The following BLTP1 variants were observed in gnomAD, a reference collection of about 807,000 sequenced individuals.
BLTP1 encodes bridge-like lipid transfer protein family member 1, also known as fragile site-associated protein.
At chr4:122,170,479 C>T in the BLTP1 span, 2 of 1,285,740 alleles carry the variant, frequency 1.6e-6, no homozygotes, top group African/African-American at 1.6e-5. Flanking sequence ...TGTATTTTTG[C>T]ATTCTCATCA....
At chr4:122,355,980 T>C in the BLTP1 span, 52 of 1,604,612 alleles carry the variant, frequency 3.2e-5, no homozygotes, top group South Asian at 5.6e-4. Flanking sequence ...CACAGGAGCC[T>C]TCATTACAGG....
At chr4:122,181,349 A>C in the BLTP1 span, 5 of 338,478 alleles carry the variant, frequency 1.5e-5, no homozygotes, top group African/African-American at 9.0e-5. Context: ...GCAATTCAAA[A>C]ACTTAGTAAT....
chr4:122,309,174 T>C, the BLTP1 span: 1 of 1,482,810 alleles, frequency 6.7e-7, no homozygotes, highest in Non-Finnish European at 9.0e-7. Flanking sequence ...CTTGACCGTT[T>C]CTAGATTTCT....
At chr4:122,207,556 G>A in the BLTP1 span, 8 of 1,548,870 alleles carry the variant, frequency 5.2e-6, no homozygotes, top group African/African-American at 1.4e-5. Context: ...CTGGCAGCCT[G>A]TGGAGAAACA....
chr4:122,152,419 C>T, the BLTP1 span: 2 of 985,342 alleles, frequency 2.0e-6, no homozygotes, highest in African/African-American at 1.7e-5. Context: ...TGGACCTGGG[C>T]GGCGGCCCCG....
At chr4:122,298,492 T>C in the BLTP1 span, 1 of 200,896 alleles carries the variant, frequency 5.0e-6, no homozygotes, top group Non-Finnish European at 8.9e-6. Flanking sequence ...ATTCTGTATT[T>C]CAGAGTAGAA....
the BLTP1 span, chr4:122,350,420 A>C: frequency 1.0e-6 from 1 of 982,410 alleles, no homozygotes; most frequent in African/African-American, 1.7e-5. Flanking sequence ...GCAGGTCATT[A>C]TTTTCACTTA....
the BLTP1 span, chr4:122,281,866 A>G: frequency 1.5e-6 from 2 of 1,341,976 alleles, no homozygotes; most frequent in South Asian, 1.9e-5. Flanking sequence ...TTGGTTTTAT[A>G]GATATTATAA....
chr4:122,197,061 T>G, the BLTP1 span: 14 of 588,840 alleles, frequency 2.4e-5, no homozygotes, highest in African/African-American at 3.9e-5. Flanking sequence ...TGGTAAAAAT[T>G]TGAACTTTTG....
At chr4:122,184,639 C>CA in the BLTP1 span, 7,638 of 910,212 alleles carry the variant, frequency 8.4e-3, 304 homozygotes, top group African/African-American at 0.11. Flanking sequence ...GACTCCGTCT[C>CA]AAAAAAAAAC....
chr4:122,156,722 T>C, the BLTP1 span, among the ~76,000 whole-genome samples: 2 of 152,336 alleles, frequency 1.3e-5, no homozygotes, highest in East Asian at 3.9e-4. Flanking sequence ...TATAAGCACA[T>C]GTTTATTTGC....
the BLTP1 span, among the ~76,000 whole-genome samples, chr4:122,317,794 T>G: frequency 6.6e-6 from 1 of 152,158 alleles, no homozygotes; most frequent in African/African-American, 2.4e-5. Context: ...GGGGAAAAAA[T>G]GACTTGAAGC....
the BLTP1 span, among the ~76,000 whole-genome samples, chr4:122,216,085 G>GTCTA: frequency 0.058 from 8,340 of 144,258 alleles, 276 homozygotes; most frequent in East Asian, 0.079. Flanking sequence ...ATCTTTGTCT[G>GTCTA]TCTATCTATC....
At chr4:122,222,994 A>C in the BLTP1 span, 1 of 951,092 alleles carries the variant, frequency 1.1e-6, no homozygotes, top group African/African-American at 1.8e-5. Context: ...ATTTCATAAA[A>C]ATTTTATACT....
the BLTP1 span, chr4:122,325,885 C>T: frequency 8.5e-7 from 1 of 1,182,574 alleles, no homozygotes; most frequent in Middle Eastern, 2.3e-4. Context: ...AAGTACACCA[C>T]AATCCAGCTG....
chr4:122,332,042 AT>A, the BLTP1 span, among the ~76,000 whole-genome samples: 13 of 151,964 alleles, frequency 8.6e-5, no homozygotes, highest in East Asian at 2.3e-3. Flanking sequence ...CAGGATTAAC[AT>A]TTTTTTCTTT....
chr4:122,207,023 T>G, the BLTP1 span: 2 of 1,263,494 alleles, frequency 1.6e-6, no homozygotes, highest in Non-Finnish European at 2.2e-6. Flanking sequence ...AAAAATTCAT[T>G]TTTGACTGGT....
chr4:122,249,164 A>C, the BLTP1 span: 1 of 671,288 alleles, frequency 1.5e-6, no homozygotes, highest in Non-Finnish European at 1.8e-6. Context: ...TTATTTTGTG[A>C]GATGATGAAA....
At chr4:122,362,304 TG>T in the BLTP1 span, 39 of 1,326,668 alleles carry the variant, frequency 2.9e-5, no homozygotes, top group African/African-American at 4.3e-4. Context: ...TACACTGGAG[TG>T]TTTTTTTAGT....
Sources: allele counts gnomAD v4.1 joint callset (sites outside exome capture counted in the v4.1 genomes callset), GRCh38; gene constraint gnomAD v4.1.1; transcripts MANE v1.5; gene names NCBI Gene and HGNC (gene_info 2026-07-23, HGNC 2026-07-21).